Variants in SVOPL observed in about 807,000 individuals in gnomAD.
The protein encoded by SVOPL is putative transporter SVOPL.
Under a neutral mutation model 61.0 loss-of-function variants are expected in SVOPL, and 60 were observed. The observed-to-expected ratio is 0.98, with a 90% confidence interval of 0.80 to 1.22. The LOEUF is 1.22. Among genes scored for constraint, SVOPL ranks in the 50% most tolerant of loss-of-function variants. SVOPL has a pLI of 0.00. For synonymous variants in SVOPL, 279 were observed against 250.0 expected, an observed-to-expected ratio of 1.12 and a Z score of -1.09; for missense variants, 662 against 643.9, an observed-to-expected ratio of 1.03 and a Z score of -0.30.
intron 14 of SVOPL, among the ~76,000 whole-genome samples, chr7:138,612,770 C>A (rs2116827530): frequency 6.6e-6 from 1 of 152,212 alleles, no homozygotes; most frequent in South Asian, 2.1e-4. Flanking sequence ...CAGCCTCGGC[C>A]TCCCAAAGTG....
intron 8 of SVOPL, chr7:138,646,263 G>A (rs77175697): frequency 0.078 from 13,041 of 166,284 alleles, 666 homozygotes; most frequent in South Asian, 0.19. Flanking sequence ...AGCAAGCTGC[G>A]TAGCATCATA....
At chr7:138,676,430 T>C (rs1205059107) in intron 3 of SVOPL, among the ~76,000 whole-genome samples, 2 of 151,954 alleles carry the variant, frequency 1.3e-5, no homozygotes, top group Non-Finnish European at 2.9e-5. Flanking sequence ...CTCCCTCGTG[T>C]CCTTCGAGAG....
chr7:138,691,227 G>C (rs1802932594), intron 1 of SVOPL, among the ~76,000 whole-genome samples: 1 of 152,130 alleles, frequency 6.6e-6, no homozygotes, highest in Admixed American at 6.6e-5. Context: ...ATAGTATCTA[G>C]GAATAAAACG....
At chr7:138,682,463 T>C (rs1490774324) in intron 1 of SVOPL, among the ~76,000 whole-genome samples, 2 of 151,924 alleles carry the variant, frequency 1.3e-5, no homozygotes, top group South Asian at 2.1e-4. Flanking sequence ...TGAAGAAACA[T>C]GTTAAACAAC....
chr7:138,649,275 C>T, intron 7 of SVOPL, 138 bp from the exon 8 acceptor site: 1 of 1,193,114 alleles, frequency 8.4e-7, no homozygotes, highest in Non-Finnish European at 1.1e-6. Flanking sequence ...TTGGGAGCCA[C>T]TTTGTCCAGC....
Position 138,678,968 on chromosome 7 carries a change from A to C in SVOPL, c.78T>G (p.Val26=). The C allele has an allele frequency of 3.2e-6, 5 of 1,551,586 alleles. No homozygotes were observed. The highest frequency in any genetic ancestry group is 3.5e-6 in the Non-Finnish European group (4 of 1,146,906). Residue 26 remains valine, a synonymous_variant, in exon 2 of 16, where the codon GTT becomes GTG. Transcript: ENST00000674285. ...KLSLGTAEPQ[V]KEPKTFTVED... ...AGACTTCTATGATAATCTCACCTTTAACCTGTGGCTCTGCGGTCCCCAGGC... is the reference window on the plus strand; with the variant it reads ...AGACTTCTATGATAATCTCACCTTTCACCTGTGGCTCTGCGGTCCCCAGGC...
chr7:138,623,862 C>T (rs947404949), intron 13 of SVOPL, among the ~76,000 whole-genome samples: 15 of 152,022 alleles, frequency 9.9e-5, no homozygotes, highest in African/African-American at 2.7e-4. Context: ...TCTCTGTCAC[C>T]GGGCTGCAGT....
rs1286113934 is a variant in SVOPL at position 138,621,898 on chromosome 7, C to G, written c.1264-763G>C. Among the ~76,000 whole-genome samples, 618 of 116,196 alleles carry G rather than the reference C, an allele frequency of 5.3e-3. 5 individuals are homozygous for G. Among genetic ancestry groups the G allele is most frequent in the African/African-American group, 0.017 (411 of 24,092 alleles). The allele number at this position is 116,196 out of a possible 152,430, so 76.2% of individuals were successfully genotyped here. Reference sequence around the variant, plus strand: ...TCTATCTATCTATCTATCTATCTATCTATCTATGTATCTATCTATGTATCT... The same window carrying G: ...TCTATCTATCTATCTATCTATCTATGTATCTATGTATCTATCTATGTATCT... On this transcript the variant is annotated intron_variant, in intron 13 of 15. Transcript: ENST00000674285.
rs1356970631 is a variant in SVOPL, at chr7:138,644,864, G to A, written c.661-19C>T. 6.2e-7 allele frequency: 1 copy of A among 1,614,126 alleles called. No homozygotes were observed. On this transcript the variant is annotated intron_variant, in intron 8 of 15. Coordinates refer to ENST00000674285, the MANE Select transcript of SVOPL (RefSeq NM_001139456.2). The stretch of plus-strand genomic sequence containing the variant: ...GAATAAACTGGGTAGAGATTACAAA[G>A]AACATCAGAGTGGCCACTGCTATAG...
At chr7:138,648,759 C>T (rs962314536) in intron 8 of SVOPL, among the ~76,000 whole-genome samples, 1 of 148,044 alleles carries the variant, frequency 6.8e-6, no homozygotes, top group Non-Finnish European at 1.5e-5. Context: ...GAGACTCCAT[C>T]TCAAAAAAAA....
intron 9 of SVOPL, among the ~76,000 whole-genome samples, chr7:138,639,774 T>A (rs1488301216): frequency 6.6e-6 from 1 of 152,126 alleles, no homozygotes; most frequent in African/African-American, 2.4e-5. Context: ...AGCAGTGCGA[T>A]CATAGCTCAC....
intron 3 of SVOPL, among the ~76,000 whole-genome samples, chr7:138,674,433 C>T (rs992392374): frequency 1.3e-5 from 2 of 151,910 alleles, no homozygotes; most frequent in African/African-American, 4.8e-5. Context: ...AGCATCCCAT[C>T]GTAAGACCAG....
chr7:138,694,281 G>A (rs1435609524), intron 1 of SVOPL, among the ~76,000 whole-genome samples: 1 of 152,240 alleles, frequency 6.6e-6, no homozygotes, highest in East Asian at 1.9e-4. Flanking sequence ...GTCTCGCTCT[G>A]TCGCCCAGGC....
intron 14 of SVOPL, among the ~76,000 whole-genome samples, chr7:138,611,271 G>C (rs1318509069): frequency 1.3e-5 from 2 of 152,072 alleles, no homozygotes; most frequent in Non-Finnish European, 2.9e-5. Context: ...CTAGCTACTC[G>C]GGACGCTGAG....
intron 13 of SVOPL, chr7:138,625,111 T>C (rs945761931): frequency 6.6e-6 from 1 of 152,316 alleles, no homozygotes. Context: ...GAGTTCTGGA[T>C]TGCAAAAGAG....
At chr7:138,624,435 T>C (rs1353156432) in intron 13 of SVOPL, among the ~76,000 whole-genome samples, 1 of 152,238 alleles carries the variant, frequency 6.6e-6, no homozygotes, top group Non-Finnish European at 1.5e-5. Flanking sequence ...TGTTCTCCAT[T>C]TGATGCCATC....
intron 9 of SVOPL, 92 bp from the exon 10 acceptor site, chr7:138,630,214 A>T: frequency 1.9e-6 from 2 of 1,059,178 alleles, no homozygotes; most frequent in Non-Finnish European, 1.5e-6. Context: ...GATGAGAATC[A>T]TATTGGAGCA....
chr7:138,616,101 C>T lies in SVOPL; in HGVS notation c.1353+4945G>A, dbSNP rs559929035. On this transcript the variant is annotated intron_variant, in intron 14 of 15. Transcript: ENST00000674285. ...CGAGAAGAGAGCCCTCACTAGAACC[C>T]AAACATGTGGGTGCCCGATCTTGAA... is the stretch of plus-strand genomic sequence containing the variant. 1.5e-4 allele frequency among the ~76,000 whole-genome samples: 23 copies of T among 152,298 alleles called. No homozygotes were observed. In the East Asian group the frequency reaches 4.4e-3, roughly 29 times the overall value.
intron 10 of SVOPL, among the ~76,000 whole-genome samples, chr7:138,629,127 A>ATATGTGTGTATGTATATGTGTG (rs1554459931): frequency 3.0e-5 from 2 of 66,098 alleles, no homozygotes; most frequent in African/African-American, 1.1e-4. Flanking sequence ...TGTTTTATAT[A>ATATGTGTGTATGTATATGTGTG]TGTGTGTGTG....
Sources: allele counts gnomAD v4.1 joint callset (sites outside exome capture counted in the v4.1 genomes callset), GRCh38; gene constraint gnomAD v4.1.1; transcripts MANE v1.5; gene names NCBI Gene and HGNC (gene_info 2026-07-23, HGNC 2026-07-21).